The following DLG2 variants were observed in gnomAD, a reference collection of about 807,000 sequenced individuals.
DLG2 encodes the protein disks large homolog 2.
Under a neutral mutation model 132.5 loss-of-function variants are expected in DLG2, and 45 were observed. The observed-to-expected ratio is 0.34, with a 90% confidence interval of 0.27 to 0.44. DLG2 has a LOEUF of 0.44. Ranked by LOEUF, DLG2 falls within the 20% of genes least tolerant of loss-of-function variation. The probability of loss-of-function intolerance (pLI) is 1.00; values close to 1 mark genes in which losing one functional copy is unlikely to be tolerated. For synonymous variants in DLG2, 424 were observed against 419.6 expected, an observed-to-expected ratio of 1.01 and a Z score of -0.13; for missense variants, 1,045 against 1,196.9, an observed-to-expected ratio of 0.87 and a Z score of 1.87.
intron 18 of DLG2, among the ~76,000 whole-genome samples, chr11:83,766,951 T>C (rs531708296): frequency 6.6e-6 from 1 of 152,318 alleles, no homozygotes; most frequent in African/African-American, 2.4e-5. Flanking sequence ...CGATGCCCTG[T>C]ATAGTCTTTC....
At chr11:85,069,489 G>C (rs549874100) in intron 6 of DLG2, among the ~76,000 whole-genome samples, 1 of 151,958 alleles carries the variant, frequency 6.6e-6, no homozygotes, top group Admixed American at 6.6e-5. Flanking sequence ...AAAAGTGGGC[G>C]AAGGATATGA....
intron 22 of DLG2, among the ~76,000 whole-genome samples, chr11:83,475,134 TA>T (rs2092484095): frequency 6.6e-6 from 1 of 152,110 alleles, no homozygotes; most frequent in South Asian, 2.1e-4. Context: ...AGGTACTGTG[TA>T]ATACCCAGGA....
chr11:85,214,819 T>C (rs946955389), intron 4 of DLG2, among the ~76,000 whole-genome samples: 1 of 152,176 alleles, frequency 6.6e-6, no homozygotes, highest in African/African-American at 2.4e-5. Flanking sequence ...GTAATAAATA[T>C]TCAGTTTCTA....
At chr11:84,410,916 T>C (rs946326010) in intron 7 of DLG2, among the ~76,000 whole-genome samples, 1 of 152,196 alleles carries the variant, frequency 6.6e-6, no homozygotes, top group African/African-American at 2.4e-5. Context: ...GGATCTTATG[T>C]TAATGTTATT....
At chr11:83,582,826 A>G (rs1476050905) in intron 19 of DLG2, among the ~76,000 whole-genome samples, 2 of 152,246 alleles carry the variant, frequency 1.3e-5, no homozygotes, top group African/African-American at 4.8e-5. Flanking sequence ...CAGAGAAATA[A>G]TGTATAGAAA....
At chr11:85,049,642 G>T (rs954984928) in intron 6 of DLG2, among the ~76,000 whole-genome samples, 4 of 152,058 alleles carry the variant, frequency 2.6e-5, no homozygotes, top group African/African-American at 9.7e-5. Flanking sequence ...ATTGGTAGCA[G>T]AAATGCTGCT....
At position 84,802,816 on chromosome 11, in the gene DLG2, T is replaced by C. The variant is rs563478721; in HGVS notation, c.358-268085A>G. ...CATCTTTTCTTTTCTTTCTTTCTTT[T>C]ATGAGGCAGAGCCTAGCTGTGTCAC... On this transcript the variant is annotated intron_variant, in intron 6 of 27. Coordinates refer to ENST00000376104, the MANE Select transcript of DLG2 (RefSeq NM_001142699.3). 1.5e-3 allele frequency among the ~76,000 whole-genome samples: 222 copies of C among 152,276 alleles called. 6 individuals carry two copies. The highest frequency in any genetic ancestry group is 5.1e-3 in the African/African-American group (211 of 41,546).
chr11:84,700,485 T>C (rs1441639515), intron 6 of DLG2, among the ~76,000 whole-genome samples: 3 of 151,664 alleles, frequency 2.0e-5, no homozygotes, highest in Non-Finnish European at 4.4e-5. Flanking sequence ...ACTGATCAAG[T>C]ATAGCTAACC....
intron 16 of DLG2, among the ~76,000 whole-genome samples, chr11:83,857,803 C>T (rs1197921041): frequency 1.4e-5 from 2 of 141,948 alleles, no homozygotes; most frequent in Non-Finnish European, 3.1e-5. Context: ...TGAGAATTTT[C>T]TACATTTTCT....
At chr11:85,096,211 G>A (rs543742622) in intron 6 of DLG2, among the ~76,000 whole-genome samples, 23 of 152,278 alleles carry the variant, frequency 1.5e-4, no homozygotes, top group Admixed American at 9.1e-4. Context: ...CTGGCCACCC[G>A]CGCCAGCAGT....
At chr11:84,999,818 G>A (rs547112805) in intron 6 of DLG2, among the ~76,000 whole-genome samples, 156 of 152,158 alleles carry the variant, frequency 1.0e-3, no homozygotes, top group South Asian at 2.5e-3. Context: ...TCTTGCCTGG[G>A]GCTGAAAATT....
chr11:85,193,230 T>C (rs2080744046), intron 4 of DLG2, among the ~76,000 whole-genome samples: 1 of 152,228 alleles, frequency 6.6e-6, no homozygotes, highest in African/African-American at 2.4e-5. Context: ...TCATCCATGT[T>C]TTAGCATGTA....
rs546783617 is a variant in DLG2 at position 84,845,881 on chromosome 11, C to T, written c.357+265780G>A. 4.7e-4 allele frequency among the ~76,000 whole-genome samples: 71 copies of T among 151,666 alleles called. No homozygotes were observed. In the South Asian group the frequency reaches 0.014, roughly 29 times the overall value. ...TTTTAGTAGAGATAGGGTTTCACCA[C>T]GTTGGCCAGGCTGGTCTCGAACTCC... is the stretch of plus-strand genomic sequence containing the variant. On this transcript the variant is annotated intron_variant, in intron 6 of 27. Transcript: ENST00000376104.
At chr11:83,748,224 C>T (rs539150231) in intron 18 of DLG2, among the ~76,000 whole-genome samples, 27 of 152,324 alleles carry the variant, frequency 1.8e-4, no homozygotes, top group African/African-American at 6.3e-4. Flanking sequence ...TTACACTTGA[C>T]ATGTTCTCCC....
intron 11 of DLG2, among the ~76,000 whole-genome samples, chr11:84,035,881 G>T (rs566092564): frequency 6.6e-6 from 1 of 152,292 alleles, no homozygotes; most frequent in Admixed American, 6.5e-5. Flanking sequence ...GGATGTGAGT[G>T]TGAGTCAGAA....
chr11:85,313,994 A>G (rs1183880996), intron 3 of DLG2, among the ~76,000 whole-genome samples: 1 of 152,182 alleles, frequency 6.6e-6, no homozygotes, highest in South Asian at 2.1e-4. Flanking sequence ...CAAAAGTTGT[A>G]TATAAGGAAG....
At chr11:85,429,707 A>C (rs2091032218) in intron 3 of DLG2, among the ~76,000 whole-genome samples, 1 of 152,204 alleles carries the variant, frequency 6.6e-6, no homozygotes, top group Non-Finnish European at 1.5e-5. Context: ...GTCAGGAAAC[A>C]ATAGGTGCTG....
chr11:84,258,289 C>T (rs1342430684), intron 7 of DLG2, among the ~76,000 whole-genome samples: 1 of 152,106 alleles, frequency 6.6e-6, no homozygotes, highest in Non-Finnish European at 1.5e-5. Context: ...ATAGGAAGAA[C>T]AAATATATTC....
chr11:84,000,534 A>C (rs71469606), intron 11 of DLG2, among the ~76,000 whole-genome samples: 3,364 of 152,186 alleles, frequency 0.022, 68 homozygotes, highest in Non-Finnish European at 0.033. Context: ...ATCCTTACAG[A>C]TACAATCCAC....
Sources: allele counts gnomAD v4.1 joint callset (sites outside exome capture counted in the v4.1 genomes callset), GRCh38; gene constraint gnomAD v4.1.1; transcripts MANE v1.5; gene names NCBI Gene and HGNC (gene_info 2026-07-23, HGNC 2026-07-21).